PPARGC1A: variants seen among roughly 807,000 people sequenced by gnomAD.
PPARGC1A encodes peroxisome proliferator-activated receptor gamma coactivator 1-alpha.
PPARGC1A carries 25 observed loss-of-function variants against 88.7 expected under a neutral mutation model. That is an observed-to-expected ratio of 0.28 (90% CI 0.21 to 0.39). PPARGC1A has a LOEUF of 0.39. Among genes scored for constraint, PPARGC1A ranks in the 10% least tolerant of loss-of-function variants. PPARGC1A has a pLI of 1.00. For synonymous variants in PPARGC1A, 363 were observed against 355.6 expected, an observed-to-expected ratio of 1.02 and a Z score of -0.24; for missense variants, 880 against 968.7, an observed-to-expected ratio of 0.91 and a Z score of 1.22.
the PPARGC1A span, among the ~76,000 whole-genome samples, chr4:24,333,270 A>G: frequency 6.6e-6 from 1 of 152,284 alleles, no homozygotes; most frequent in Admixed American, 6.5e-5. Flanking sequence ...TGTAATAGGA[A>G]TATGAGCTAA....
chr4:24,354,471 A>C, the PPARGC1A span, among the ~76,000 whole-genome samples: 5 of 152,232 alleles, frequency 3.3e-5, no homozygotes, highest in African/African-American at 4.8e-5. Context: ...AGAATGCTGG[A>C]ACCTGGAAAT....
the PPARGC1A span, among the ~76,000 whole-genome samples, chr4:24,433,610 A>G: frequency 6.6e-6 from 1 of 152,208 alleles, no homozygotes; most frequent in Non-Finnish European, 1.5e-5. Flanking sequence ...AGCCTTTTAG[A>G]TAACGACTTT....
the PPARGC1A span, among the ~76,000 whole-genome samples, chr4:24,436,034 A>G: frequency 6.6e-6 from 1 of 152,308 alleles, no homozygotes; most frequent in South Asian, 2.1e-4. Flanking sequence ...AACTCTATAC[A>G]CATGAGCCAC....
At chr4:24,152,616 TTAGTA>T in the PPARGC1A span, among the ~76,000 whole-genome samples, 1 of 152,208 alleles carries the variant, frequency 6.6e-6, no homozygotes, top group African/African-American at 2.4e-5. Flanking sequence ...CCGCTTATTA[TTAGTA>T]TTATTTAGTC....
the PPARGC1A span, among the ~76,000 whole-genome samples, chr4:24,216,609 T>C: frequency 6.6e-6 from 1 of 152,204 alleles, no homozygotes; most frequent in Non-Finnish European, 1.5e-5. Context: ...CTTTTGATTT[T>C]CTGTTCTAAA....
At chr4:24,217,618 C>T in the PPARGC1A span, among the ~76,000 whole-genome samples, 1 of 152,086 alleles carries the variant, frequency 6.6e-6, no homozygotes, top group Non-Finnish European at 1.5e-5. Context: ...GCCTGGTCAA[C>T]ATGGTGAAAC....
the PPARGC1A span, among the ~76,000 whole-genome samples, chr4:24,225,477 G>A: frequency 1.3e-5 from 2 of 151,538 alleles, no homozygotes; most frequent in African/African-American, 4.8e-5. Flanking sequence ...GCTGAGGCAG[G>A]AGAATGGTGG....
the PPARGC1A span, among the ~76,000 whole-genome samples, chr4:23,951,253 T>C: frequency 0.012 from 1,890 of 152,070 alleles, 23 homozygotes; most frequent in South Asian, 0.016. Flanking sequence ...GCCAAGTAAG[T>C]AAGAGTTACA....
the PPARGC1A span, among the ~76,000 whole-genome samples, chr4:24,287,781 C>T: frequency 6.6e-6 from 1 of 151,934 alleles, no homozygotes; most frequent in Non-Finnish European, 1.5e-5. Context: ...CATATTATAC[C>T]ATTTCTTTAG....
At chr4:24,325,659 G>A in the PPARGC1A span, among the ~76,000 whole-genome samples, 6 of 152,198 alleles carry the variant, frequency 3.9e-5, no homozygotes, top group Middle Eastern at 3.4e-3. Context: ...ACTCCTTCTC[G>A]GCTTAGCGGC....
chr4:24,440,923 A>G, the PPARGC1A span, among the ~76,000 whole-genome samples: 1 of 152,158 alleles, frequency 6.6e-6, no homozygotes, highest in Non-Finnish European at 1.5e-5. Context: ...TTCTGTTGAA[A>G]ACTCAGCACT....
chr4:23,878,612 A>T (rs1207219558), intron 2 of PPARGC1A, among the ~76,000 whole-genome samples: 1 of 152,196 alleles, frequency 6.6e-6, no homozygotes, highest in Admixed American at 6.5e-5. Context: ...GCCAGATGTT[A>T]TCAAGCCGAG....
the PPARGC1A span, among the ~76,000 whole-genome samples, chr4:24,278,688 C>T: frequency 6.6e-6 from 1 of 152,158 alleles, no homozygotes; most frequent in Non-Finnish European, 1.5e-5. Context: ...TGGCTCCAAG[C>T]AAAGGTCAGC....
chr4:24,365,182 T>C, the PPARGC1A span, among the ~76,000 whole-genome samples: 1 of 150,476 alleles, frequency 6.6e-6, no homozygotes, highest in Non-Finnish European at 1.5e-5. Flanking sequence ...AATTAATGGA[T>C]TGATTTCAAG....
the PPARGC1A span, among the ~76,000 whole-genome samples, chr4:24,049,172 AAG>A: frequency 2.7e-5 from 4 of 149,834 alleles, no homozygotes; most frequent in South Asian, 8.4e-4. Context: ...AAGAGGGAGA[AAG>A]AGAGAGACTG....
the PPARGC1A span, among the ~76,000 whole-genome samples, chr4:24,206,204 C>T: frequency 1.4e-4 from 21 of 152,138 alleles, no homozygotes; most frequent in African/African-American, 4.3e-4. Context: ...GAAGAAGCTA[C>T]GTTAAGATAC....
At chr4:23,839,571 G>C (rs1726674799) in intron 2 of PPARGC1A, among the ~76,000 whole-genome samples, 1 of 152,170 alleles carries the variant, frequency 6.6e-6, no homozygotes, top group African/African-American at 2.4e-5. Flanking sequence ...ATGTCCTCAA[G>C]TGAAACAACT....
At chr4:24,026,904 T>C in the PPARGC1A span, among the ~76,000 whole-genome samples, 1 of 152,134 alleles carries the variant, frequency 6.6e-6, no homozygotes, top group Non-Finnish European at 1.5e-5. Context: ...CTTAAATTGC[T>C]CTGTTGGGCC....
chr4:24,448,889 C>T, the PPARGC1A span, among the ~76,000 whole-genome samples: 3 of 152,204 alleles, frequency 2.0e-5, no homozygotes, highest in Non-Finnish European at 4.4e-5. Flanking sequence ...TGAGATCTGC[C>T]TGCTCTTGGA....
Sources: allele counts gnomAD v4.1 joint callset (sites outside exome capture counted in the v4.1 genomes callset), GRCh38; gene constraint gnomAD v4.1.1; transcripts MANE v1.5; gene names NCBI Gene and HGNC (gene_info 2026-07-23, HGNC 2026-07-21).